The following CDH10 variants were observed in gnomAD, a reference collection of about 807,000 sequenced individuals.
The protein encoded by CDH10 is cadherin-10.
In CDH10, 30 loss-of-function variants were observed where a neutral mutation model predicts 73.1. The ratio of observed to expected loss-of-function variants is 0.41; its 90% CI spans 0.31 to 0.56. The LOEUF (loss-of-function observed/expected upper bound fraction) is 0.56. Among genes scored for constraint, CDH10 ranks in the 20% least tolerant of loss-of-function variants. The pLI, the probability that CDH10 is intolerant of heterozygous loss-of-function variation, is 0.27. For synonymous variants in CDH10, 345 were observed against 348.2 expected (o/e 0.99, Z 0.10); for missense variants, 815 against 973.7 (o/e 0.84, Z 2.17).
chr5:24,517,005 A>G (rs938526871), intron 5 of CDH10, among the ~76,000 whole-genome samples: 2 of 152,156 alleles, frequency 1.3e-5, no homozygotes, highest in Non-Finnish European at 2.9e-5. Context: ...AAAAATCTAA[A>G]TAACAGCAAG....
At chr5:24,512,397 G>A (rs1742948857) in intron 5 of CDH10, among the ~76,000 whole-genome samples, 1 of 152,152 alleles carries the variant, frequency 6.6e-6, no homozygotes, top group Non-Finnish European at 1.5e-5. Context: ...GATATACACT[G>A]AATGTTTCTA....
At chr5:24,564,951 C>A (rs1745115446) in intron 2 of CDH10, among the ~76,000 whole-genome samples, 1 of 152,102 alleles carries the variant, frequency 6.6e-6, no homozygotes, top group Non-Finnish European at 1.5e-5. Context: ...GAGTATATGC[C>A]CACCATACCC....
intron 2 of CDH10, among the ~76,000 whole-genome samples, chr5:24,571,712 A>AC (rs1745386899): frequency 1.3e-5 from 2 of 152,014 alleles, no homozygotes; most frequent in Middle Eastern, 6.8e-3. Context: ...TTCTATGAAA[A>AC]AAAATAATGC....
intron 2 of CDH10, among the ~76,000 whole-genome samples, chr5:24,546,565 A>G (rs1411311055): frequency 6.6e-6 from 1 of 152,156 alleles, no homozygotes; most frequent in Non-Finnish European, 1.5e-5. Flanking sequence ...GTGTGTGTAT[A>G]TGTATATACA....
At chr5:24,564,760 C>A (rs114190089) in intron 2 of CDH10, among the ~76,000 whole-genome samples, 16 of 152,110 alleles carry the variant, frequency 1.1e-4, no homozygotes, top group Admixed American at 7.9e-4. Context: ...TGATCCTATA[C>A]GTATTAACTT....
chr5:24,532,896 G>C (rs927782462), intron 5 of CDH10, among the ~76,000 whole-genome samples: 23 of 151,968 alleles, frequency 1.5e-4, no homozygotes, highest in African/African-American at 5.6e-4. Context: ...TTCATGAACT[G>C]TAGAACTCCC....
chr5:24,563,775 CAAAAAA>C (rs56666966), intron 2 of CDH10, among the ~76,000 whole-genome samples: 103,709 of 128,874 alleles, frequency 0.8, 41,070 homozygotes, highest in East Asian at 0.9. Context: ...CCCCCTCCAC[CAAAAAA>C]AAAAAAAAAA....
At chr5:24,552,586 T>C (rs1248687024) in intron 2 of CDH10, among the ~76,000 whole-genome samples, 1 of 152,038 alleles carries the variant, frequency 6.6e-6, no homozygotes, top group East Asian at 1.9e-4. Context: ...TCGAACTTTG[T>C]CAATGCAGAT....
intron 5 of CDH10, among the ~76,000 whole-genome samples, chr5:24,519,179 C>A (rs1045007125): frequency 6.6e-6 from 1 of 152,120 alleles, no homozygotes; most frequent in African/African-American, 2.4e-5. Flanking sequence ...GCATGAGCTA[C>A]TGTGCCCAGC....
chr5:24,506,038 C>T (rs1269871359), intron 7 of CDH10, among the ~76,000 whole-genome samples: 2 of 150,704 alleles, frequency 1.3e-5, no homozygotes, highest in African/African-American at 2.4e-5. Flanking sequence ...TGCTTGAACC[C>T]AGAGGCGGAG....
intron 2 of CDH10, among the ~76,000 whole-genome samples, chr5:24,570,203 AT>A (rs1168471556): frequency 2.0e-5 from 3 of 152,192 alleles, no homozygotes; most frequent in African/African-American, 7.2e-5. Context: ...AAGTATTTCT[AT>A]TCAACTTTGT....
chr5:24,492,665 T>C (rs1334983998), intron 10 of CDH10, 152 bp downstream of exon 10: 8 of 529,230 alleles, frequency 1.5e-5, no homozygotes, highest in Admixed American at 3.3e-5. Flanking sequence ...TTGCCAAAGA[T>C]GGCTTTACTA....
rs753551926 is a variant in CDH10 at position 24,491,702 on chromosome 5, T to C, written c.1750A>G (p.Ile584Val). 311 of 1,613,910 alleles carry C rather than the reference T, an allele frequency of 1.9e-4. No homozygotes were observed. The highest frequency in any genetic ancestry group is 2.5e-4 in the Non-Finnish European group (298 of 1,179,922). Residue 584 changes from isoleucine to valine, a missense_variant, in exon 11 of 12, where the codon ATT (isoleucine) becomes GTT (valine). Physicochemically the swap from Ile to Val is conservative, Grantham distance 29. Coordinates refer to ENST00000264463, the MANE Select transcript of CDH10 (RefSeq NM_006727.5). ...PIQSSTGTLT[I>V]RVCACDSQGN... ...TGGCTGTCACAAGCACACACTCGAATGGTCAGTGTGCCTGTGCTGCTCTGA... is the reference window on the plus strand; with the variant it reads ...TGGCTGTCACAAGCACACACTCGAACGGTCAGTGTGCCTGTGCTGCTCTGA...
In CDH10 at chr5:24,487,344, A is replaced by G. The variant is rs548117230; in HGVS notation, c.*319T>C. ...TGCAAGGGCAGGACATGTACCTAACAGAAGCGGCTTGTTTGTGAGGTTGCT... is the reference window on the plus strand; with the variant it reads ...TGCAAGGGCAGGACATGTACCTAACGGAAGCGGCTTGTTTGTGAGGTTGCT... On this transcript the variant is annotated 3_prime_UTR_variant, in exon 12 of 12. Transcript: ENST00000264463. The G allele has an allele frequency of 1.2e-5, 3 of 246,822 alleles. No individual in the cohort carries two copies. Among genetic ancestry groups the G allele is most frequent in the Admixed American group, 9.9e-5 (2 of 20,116 alleles). The allele number at this position is 246,822 out of a possible 1,614,324, so 15.3% of individuals were successfully genotyped here. A position where few individuals can be genotyped will look rare whatever the true frequency, so the allele number is the denominator to read the frequency against.
In CDH10 at chr5:24,488,181, G is replaced by A. The variant is rs2111614098; in HGVS notation, c.1877-28C>T. 6 of 1,567,984 alleles carry A rather than the reference G, an allele frequency of 3.8e-6. No homozygotes were observed. The South Asian group carries it at 7.0e-5, about 18-fold the overall frequency. On this transcript the variant is annotated intron_variant, in intron 11 of 11. Transcript: ENST00000264463. ...TGAAAAAAGACAAGAAGATACATTAGACGTCCGTTCAAAACACTATAAATA... is the reference window on the plus strand; with the variant it reads ...TGAAAAAAGACAAGAAGATACATTAAACGTCCGTTCAAAACACTATAAATA...
intron 5 of CDH10, among the ~76,000 whole-genome samples, chr5:24,526,259 A>G (rs76652932): frequency 2.0e-5 from 3 of 152,110 alleles, no homozygotes; most frequent in Admixed American, 6.6e-5. Flanking sequence ...GTCTAAGGCA[A>G]CTTTCCACTG....
intron 8 of CDH10, among the ~76,000 whole-genome samples, chr5:24,504,085 C>T (rs79948130): frequency 0.013 from 1,984 of 151,892 alleles, 44 homozygotes; most frequent in African/African-American, 0.041. Context: ...TTTATATATA[C>T]GGAAAGGTGG....
At chr5:24,599,700 C>A (rs1287835501) in intron 1 of CDH10, among the ~76,000 whole-genome samples, 1 of 152,012 alleles carries the variant, frequency 6.6e-6, no homozygotes, top group Non-Finnish European at 1.5e-5. Context: ...TAAGACTGGC[C>A]ATTAACAATC....
intron 1 of CDH10, among the ~76,000 whole-genome samples, chr5:24,620,373 G>GA (rs560025595): frequency 6.6e-6 from 1 of 151,680 alleles, no homozygotes; most frequent in Non-Finnish European, 1.5e-5. Context: ...AATTGGTTGA[G>GA]AAAAAAAATT....
Sources: gnomAD v4.1 joint callset for allele counts (sites outside exome capture counted in the v4.1 genomes callset) on GRCh38, gnomAD v4.1.1 for gene constraint, MANE v1.5 for transcripts, NCBI Gene and HGNC (gene_info 2026-07-23, HGNC 2026-07-21) for gene names.